Variants in IRF9 observed in about 807,000 individuals in gnomAD.
IRF9 encodes the protein interferon regulatory factor 9.
In IRF9, 13 loss-of-function variants were observed where a neutral mutation model predicts 44.1. That is an observed-to-expected ratio of 0.29 (90% CI 0.19 to 0.47). The LOEUF (loss-of-function observed/expected upper bound fraction) is 0.47. Among genes scored for constraint, IRF9 ranks in the 20% least tolerant of loss-of-function variants. The probability of loss-of-function intolerance (pLI) is 1.00; values close to 1 mark genes in which losing one functional copy is unlikely to be tolerated. For synonymous variants in IRF9, 189 were observed against 188.5 expected (o/e 1.00, Z -0.02); for missense variants, 373 against 496.1 (o/e 0.75, Z 2.36).
Position 24,162,135 on chromosome 14 carries a change from A to T in IRF9, c.-1-9A>T, listed in dbSNP as rs373750155. 3.7e-6 allele frequency: 6 copies of T among 1,612,704 alleles called. No homozygotes were observed. The highest frequency in any genetic ancestry group is 2.7e-5 in the African/African-American group (2 of 74,848). On this transcript the variant is annotated splice_polypyrimidine_tract_variant and intron_variant, in intron 1 of 8. Coordinates refer to ENST00000396864, the MANE Select transcript of IRF9 (RefSeq NM_006084.5). ...AGTTCTGATGCATCCTGCTCCTATT[A>T]TCCCCCAGGATGGCATCAGGCAGGG...
Position 24,164,661 on chromosome 14 carries a change from G to A in IRF9, c.697G>A (p.Glu233Lys), listed in dbSNP as rs753305915. The A allele has an allele frequency of 2.5e-6, 4 of 1,612,730 alleles. No homozygotes were observed. The highest frequency in any genetic ancestry group is 3.3e-5 in the Admixed American group (2 of 59,968). Residue 233 changes from glutamate (E) to lysine (K), a missense_variant, in exon 7 of 9, where the codon GAG becomes AAG. Coordinates refer to ENST00000396864, the MANE Select transcript of IRF9 (RefSeq NM_006084.5). This position sits in a 1 kb window ranked among gnomAD's most constrained non-coding sequence, Gnocchi z 5.2. ...CATCTACAACGGGCGCGTGGTGGGC[G>A]AGGCCCAGGTGCAAAGCCTGGATTG... The part of the protein sequence containing the change: ...TFIYNGRVVG[E>K]AQVQSLDCRL...
In IRF9 at chr14:24,164,922, G is replaced by A; in HGVS notation, c.958G>A (p.Val320Met). 7 of 1,612,900 alleles carry A rather than the reference G, an allele frequency of 4.3e-6. No homozygotes were observed. The highest frequency in any genetic ancestry group is 2.2e-5 in the East Asian group (1 of 44,876). ...GPHLLPSNECVELFRTAYFCR... is the reference protein window; with the variant it reads ...GPHLLPSNECMELFRTAYFCR... ...GCATCTGCTGCCCAGCAACGAGTGC[G>A]TGGAGCTCTTCAGAACCGCCTACTT... The change falls in exon 7 of 9, where the codon GTG becomes ATG. Residue 320 changes from valine to methionine, a missense_variant. Val to Met is a conservative substitution (Grantham distance 21). Around this residue, in one of 2 missense-constraint regions of IRF9, gnomAD observed 146 missense variants for 240.8 expected, o/e 0.61. Coordinates refer to ENST00000396864, the MANE Select transcript of IRF9 (RefSeq NM_006084.5). This position sits in a 1 kb window ranked among gnomAD's most constrained non-coding sequence, Gnocchi z 5.2.
chr14:24,162,682 C>G lies in IRF9; in HGVS notation c.181-284C>G, dbSNP rs1327184112. The G allele has an allele frequency of 2.0e-5, 9 of 446,478 alleles. 1 individual carries two copies. The highest frequency in any genetic ancestry group is 1.2e-3 in the Middle Eastern group (2 of 1,638). The allele number at this position is 446,478 out of a possible 1,614,324, so 27.7% of individuals were successfully genotyped here. On this transcript the variant is annotated intron_variant, in intron 2 of 8. Coordinates refer to ENST00000396864, the MANE Select transcript of IRF9 (RefSeq NM_006084.5). ...GGGCCTAGCGGTGCATGCCTGTAGTCCCAGCTACTCGGGAGACTGAGGCAG... is the reference window on the plus strand; with the variant it reads ...GGGCCTAGCGGTGCATGCCTGTAGTGCCAGCTACTCGGGAGACTGAGGCAG...
Position 24,162,996 on chromosome 14 carries a change from G to A in IRF9, c.211G>A (p.Glu71Lys). The change falls in exon 3 of 9, where the codon GAG (glutamate) becomes AAG (lysine). Residue 71 changes from glutamate to lysine, a missense_variant. Glu to Lys is a moderately conservative substitution (Grantham distance 56). Transcript: ENST00000396864. ...GGCAATATTTAAGGGAAAGTATAAGGAGGGGGACACAGGAGGTCCAGCTGT... is the reference window on the plus strand; with the variant it reads ...GGCAATATTTAAGGGAAAGTATAAGAAGGGGGACACAGGAGGTCCAGCTGT... Reference protein sequence around the residue: ...AWAIFKGKYKEGDTGGPAVWK... With the variant: ...AWAIFKGKYKKGDTGGPAVWK... 1 of 1,614,010 alleles carries A rather than the reference G, an allele frequency of 6.2e-7. No individual in the cohort carries two copies.
Position 24,165,831 on chromosome 14 carries a change from A to G in IRF9, c.992-16A>G, listed in dbSNP as rs1463312723. 6.3e-7 allele frequency: 1 copy of G among 1,585,724 alleles called. No individual in the cohort carries two copies. The highest frequency in any genetic ancestry group is 2.2e-5 in the East Asian group (1 of 44,748). ...CTTCTTTTTGTTCTTCGAACCCTTG[A>G]CCCTTTCTCTTTCAGACTTGGTCAG... On this transcript the variant is annotated splice_polypyrimidine_tract_variant and intron_variant, in intron 7 of 8. Coordinates refer to ENST00000396864, the MANE Select transcript of IRF9 (RefSeq NM_006084.5).
At position 24,164,722 on chromosome 14, in the gene IRF9, G is replaced by C. The variant is rs774424140; in HGVS notation, c.758G>C (p.Ser253Thr). 2 of 1,613,186 alleles carry C rather than the reference G, an allele frequency of 1.2e-6. No homozygotes were observed. Among genetic ancestry groups the C allele is most frequent in the Non-Finnish European group, 1.7e-6 (2 of 1,179,896 alleles). The change falls in exon 7 of 9, where the codon AGC becomes ACC. Residue 253 changes from serine to threonine, a missense_variant. Physicochemically the swap from Ser to Thr is moderately conservative, Grantham distance 58. Around this residue, in one of 2 missense-constraint regions of IRF9, gnomAD observed 146 missense variants for 240.8 expected, o/e 0.61. Transcript: ENST00000396864. The surrounding 1 kb of genome is among the most constrained non-coding windows in gnomAD (Gnocchi z 5.2). ...GCTGAGCCCTCAGGCTCTGAGAGCAGCATGGAGCAGGTGCTGTTCCCCAAG... is the reference window on the plus strand; with the variant it reads ...GCTGAGCCCTCAGGCTCTGAGAGCACCATGGAGCAGGTGCTGTTCCCCAAG... ...LVAEPSGSES[S>T]MEQVLFPKPG...
Position 24,164,958 on chromosome 14 carries a change from G to T in IRF9, c.991+3G>T. 1 of 1,610,228 alleles carries T rather than the reference G, an allele frequency of 6.2e-7. No homozygotes were observed. Among genetic ancestry groups the T allele is most frequent in the Non-Finnish European group, 8.5e-7 (1 of 1,177,776 alleles). ...CAGAACCGCCTACTTCTGCAGAGGTGAGGCTGTTCTCTCTGGGCACATGAG... is the reference window on the plus strand; with the variant it reads ...CAGAACCGCCTACTTCTGCAGAGGTTAGGCTGTTCTCTCTGGGCACATGAG... On this transcript the variant is annotated splice_donor_region_variant and intron_variant, in intron 7 of 8. Coordinates refer to ENST00000396864, the MANE Select transcript of IRF9 (RefSeq NM_006084.5). The surrounding 1 kb of genome is among the most constrained non-coding windows in gnomAD (Gnocchi z 5.2).
In IRF9 at chr14:24,164,900, T is replaced by C; in HGVS notation, c.936T>C (p.His312=). The C allele has an allele frequency of 6.2e-7, 1 of 1,612,772 alleles. No homozygotes were observed. Among genetic ancestry groups the C allele is most frequent in the Non-Finnish European group, 8.5e-7 (1 of 1,179,954 alleles). Residue 312 remains histidine, a synonymous_variant, in exon 7 of 9, where the codon CAT becomes CAC. Transcript: ENST00000396864. The surrounding 1 kb of genome is among the most constrained non-coding windows in gnomAD (Gnocchi z 5.2). ...APQAPPGPGP[H]LLPSNECVEL... ...AGGCTCCACCTGGGCCAGGCCCGCA[T>C]CTGCTGCCCAGCAACGAGTGCGTGG...
chr14:24,166,037 C>T (rs945278686), intron 8 of IRF9, 75 bp downstream of exon 8: 2 of 1,578,310 alleles, frequency 1.3e-6, no homozygotes, highest in African/African-American at 2.7e-5. Context: ...CAAAGGGGGT[C>T]TCCCAGTGGG....
At chr14:24,162,523 C>T (rs1250620079) in intron 2 of IRF9, 199 bp downstream of exon 2, 5 of 573,222 alleles carry the variant, frequency 8.7e-6, no homozygotes, top group South Asian at 2.3e-5. Flanking sequence ...GGATATTGGC[C>T]AGGCACGGTG....
intron 2 of IRF9, 109 bp from the exon 3 acceptor site, chr14:24,162,857 G>A: frequency 1.2e-6 from 1 of 838,160 alleles, no homozygotes; most frequent in Non-Finnish European, 1.9e-6. Context: ...CACAGACCCT[G>A]CATAATCCCT....
At position 24,165,874 on chromosome 14, in the gene IRF9, G is replaced by GC; in HGVS notation, c.1025dup (p.Pro343ThrfsTer72). 6.2e-7 allele frequency: 1 copy of GC among 1,614,000 alleles called. No individual in the cohort carries two copies. Among genetic ancestry groups the GC allele is most frequent in the Non-Finnish European group, 8.5e-7 (1 of 1,179,926 alleles). On this transcript the variant is annotated frameshift_variant, in exon 8 of 9. Transcript: ENST00000396864. LOFTEE classifies it high-confidence loss of function. ...TTGGTCAGGTACTTTCAGGGCCTGG[G>GC]CCCCCCACCGAAGTTCCAGGTAACA... is the stretch of plus-strand genomic sequence containing the variant.
chr14:24,164,336 T>C lies in IRF9; in HGVS notation c.649+202T>C, dbSNP rs867625209. On this transcript the variant is annotated intron_variant, in intron 6 of 8. Coordinates refer to ENST00000396864, the MANE Select transcript of IRF9 (RefSeq NM_006084.5). The surrounding 1 kb of genome is among the most constrained non-coding windows in gnomAD (Gnocchi z 5.2). ...AGCTTGCTTCCCAAAAATACCACCCTATACACTCTCCTGGAAATCTACATT... is the reference window on the plus strand; with the variant it reads ...AGCTTGCTTCCCAAAAATACCACCCCATACACTCTCCTGGAAATCTACATT... The C allele has an allele frequency of 2.0e-4, 127 of 620,556 alleles. No homozygotes were observed. The highest frequency in any genetic ancestry group is 2.0e-3 in the African/African-American group (109 of 54,118). 38.4% of individuals were successfully genotyped at this position (620,556 alleles called of 1,614,324 possible).
Position 24,164,450 on chromosome 14 carries a change from C to T in IRF9, c.650-164C>T. On this transcript the variant is annotated intron_variant, in intron 6 of 8. Transcript: ENST00000396864. The surrounding 1 kb of genome is among the most constrained non-coding windows in gnomAD (Gnocchi z 5.2). ...AGCCCCTGGGCATTGAGCCCTGAGG[C>T]CTCATGGTGAATCACATACTAGCTA... 3 of 688,104 alleles carry T rather than the reference C, an allele frequency of 4.4e-6. No homozygotes were observed. The highest frequency in any genetic ancestry group is 7.4e-6 in the Non-Finnish European group (3 of 405,864). 42.6% of individuals were successfully genotyped at this position (688,104 alleles called of 1,614,324 possible).
At chr14:24,163,219 C>G in intron 3 of IRF9, 70 bp downstream of exon 3, 1 of 1,575,230 alleles carries the variant, frequency 6.3e-7, no homozygotes, top group Non-Finnish European at 8.6e-7. Flanking sequence ...GTGCAGGCTT[C>G]CCCCAGGCTT....
intron 4 of IRF9, 93 bp from the exon 5 acceptor site, chr14:24,163,785 C>A (rs147995864): frequency 6.9e-6 from 9 of 1,303,880 alleles, no homozygotes; most frequent in Non-Finnish European, 9.5e-6. Flanking sequence ...AGCAGTGAGC[C>A]GAGATCGCGC....
rs1025449839 is a variant in IRF9, at chr14:24,164,081, C to G, written c.596C>G (p.Ala199Gly). ...EPQEVTDTTE[A>G]PFQGDQRSLE... ...CTTCCAGTTACAGACACAACTGAGG[C>G]CCCCTTTCAAGGGGATCAGAGGTCC... The change falls in exon 6 of 9, where the codon GCC becomes GGC. Residue 199 changes from alanine to glycine, a missense_variant. Around this residue, in one of 2 missense-constraint regions of IRF9, gnomAD observed 227 missense variants for 255.3 expected, o/e 0.89. Transcript: ENST00000396864. This position sits in a 1 kb window ranked among gnomAD's most constrained non-coding sequence, Gnocchi z 5.2. 4.3e-6 allele frequency: 7 copies of G among 1,614,132 alleles called. No individual in the cohort carries two copies. In the East Asian group the frequency reaches 1.3e-4, roughly 31 times the overall value.
chr14:24,165,648 T>G, intron 7 of IRF9, 199 bp from the exon 8 acceptor site: 1 of 585,698 alleles, frequency 1.7e-6, no homozygotes, highest in South Asian at 2.1e-5. Context: ...TTCTAAGCAC[T>G]TATATGAGGC....
At chr14:24,162,076 C>T (rs2038463706) in intron 1 of IRF9, 68 bp from the exon 2 acceptor site, 2 of 1,466,626 alleles carry the variant, frequency 1.4e-6, no homozygotes, top group Non-Finnish European at 1.9e-6. Flanking sequence ...TCTCAATGGC[C>T]AGGGTCTCAG....
Sources: allele counts gnomAD v4.1 joint callset, GRCh38; gene constraint gnomAD v4.1.1; regional missense constraint gnomAD v4.1.1; non-coding constraint Gnocchi (gnomAD v3.1); transcripts MANE v1.5; gene names NCBI Gene and HGNC (gene_info 2026-07-23, HGNC 2026-07-21).